The following HDAC4 variants were observed in gnomAD, a reference collection of about 807,000 sequenced individuals.
HDAC4 encodes the protein histone deacetylase A.
Under a neutral mutation model 135.1 loss-of-function variants are expected in HDAC4, and 16 were observed. The observed-to-expected ratio is 0.12, with a 90% CI of 0.08 to 0.18. The LOEUF is 0.18. Among genes scored for constraint, HDAC4 ranks in the 10% least tolerant of loss-of-function variants. HDAC4 has a pLI of 1.00. For synonymous variants in HDAC4, 685 were observed against 653.4 expected (o/e 1.05, Z -0.74); for missense variants, 1,143 against 1,511.8 (o/e 0.76, Z 4.05).
In HDAC4 at chr2:239,308,136, C is replaced by G. The variant is rs550565434; in HGVS notation, c.22+44542G>C. 6.6e-6 allele frequency among the ~76,000 whole-genome samples: 1 copy of G among 152,344 alleles called. No homozygotes were observed. The highest frequency in any genetic ancestry group is 2.1e-4 in the South Asian group (1 of 4,826). On this transcript the variant is annotated intron_variant, in intron 2 of 26. Coordinates refer to ENST00000543185, the MANE Select transcript of HDAC4 (RefSeq NM_001378414.1). The surrounding 1 kb of genome is among the most constrained non-coding windows in gnomAD (Gnocchi z 4.2). ...CCCTTCCTACACCCCATCACTCACCCTCCCTGGGCCCCAGCTTCCTCATCT... is the reference window on the plus strand; with the variant it reads ...CCCTTCCTACACCCCATCACTCACCGTCCCTGGGCCCCAGCTTCCTCATCT...
intron 2 of HDAC4, among the ~76,000 whole-genome samples, chr2:239,263,226 G>A (rs115024343): frequency 0.014 from 2,074 of 151,108 alleles, 45 homozygotes; most frequent in African/African-American, 0.048. Context: ...GGGCCACTGT[G>A]CAACTGCACA....
chr2:239,236,879 C>T (rs893393240), intron 2 of HDAC4, among the ~76,000 whole-genome samples: 1 of 152,100 alleles, frequency 6.6e-6, no homozygotes, highest in East Asian at 1.9e-4. Context: ...GGCAAACGCC[C>T]GTTTCTGGCC....
At chr2:239,077,505 C>A (rs1023706581) in intron 22 of HDAC4, among the ~76,000 whole-genome samples, 1 of 152,256 alleles carries the variant, frequency 6.6e-6, no homozygotes, top group African/African-American at 2.4e-5. Flanking sequence ...CACAGGCGAG[C>A]GAAGGCTGGC....
At chr2:239,263,825 C>T (rs1001062567) in intron 2 of HDAC4, among the ~76,000 whole-genome samples, 2 of 152,192 alleles carry the variant, frequency 1.3e-5, no homozygotes, top group African/African-American at 4.8e-5. Context: ...CTGTCCGACT[C>T]GGCTGAGCCT....
intron 2 of HDAC4, among the ~76,000 whole-genome samples, chr2:239,302,869 T>G (rs116477921): frequency 6.6e-6 from 1 of 152,136 alleles, no homozygotes; most frequent in Non-Finnish European, 1.5e-5. Flanking sequence ...CTCTCACCCA[T>G]AGGAGGGACT....
At chr2:239,196,852 G>A (rs1559212503) in intron 3 of HDAC4, among the ~76,000 whole-genome samples, 1 of 152,236 alleles carries the variant, frequency 6.6e-6, no homozygotes, top group Non-Finnish European at 1.5e-5. Flanking sequence ...GTCAACAGAG[G>A]TCAGGCACAG....
intron 1 of HDAC4, among the ~76,000 whole-genome samples, chr2:239,371,440 C>G (rs1016340198): frequency 3.3e-5 from 5 of 150,636 alleles, no homozygotes; most frequent in African/African-American, 5.0e-5. Flanking sequence ...CTCACACATT[C>G]AATCACACTT....
intron 3 of HDAC4, among the ~76,000 whole-genome samples, chr2:239,228,408 TG>T: frequency 1.0e-4 from 1 of 9,656 alleles, no homozygotes; most frequent in East Asian, 4.1e-3. Context: ...GAGCTGTCAC[TG>T]TGAGAGTTAG....
intron 24 of HDAC4, among the ~76,000 whole-genome samples, chr2:239,065,680 G>A (rs62189531): frequency 0.023 from 3,454 of 152,326 alleles, 54 homozygotes; most frequent in Non-Finnish European, 0.035. Context: ...CCCCTGGCAA[G>A]GCCTCTGCAT....
chr2:239,303,049 C>G lies in HDAC4; in HGVS notation c.22+49629G>C, dbSNP rs1407397077. Among the ~76,000 whole-genome samples the G allele has an allele frequency of 6.6e-6, 1 of 152,184 alleles. No homozygotes were observed. Among genetic ancestry groups the G allele is most frequent in the Non-Finnish European group, 1.5e-5 (1 of 68,026 alleles). On this transcript the variant is annotated intron_variant, in intron 2 of 26. Transcript: ENST00000543185. This position sits in a 1 kb window ranked among gnomAD's most constrained non-coding sequence, Gnocchi z 5.1. Reference sequence around the variant, plus strand: ...CACCTCGGGAGTCCTCAAACCCCCCCCGGGTGGGAGAGGTCATCACCTCCG... The same window carrying G: ...CACCTCGGGAGTCCTCAAACCCCCCGCGGGTGGGAGAGGTCATCACCTCCG...
At chr2:239,301,447 C>T (rs2052255877) in intron 2 of HDAC4, among the ~76,000 whole-genome samples, 1 of 151,176 alleles carries the variant, frequency 6.6e-6, no homozygotes, top group East Asian at 2.0e-4. Flanking sequence ...GCCCACATTT[C>T]TAAATTCTGC....
At chr2:239,118,532 G>A (rs10175200) in intron 12 of HDAC4, among the ~76,000 whole-genome samples, 5,329 of 152,246 alleles carry the variant, frequency 0.035, 302 homozygotes, top group African/African-American at 0.12. Context: ...ACGGGTGAGC[G>A]TGCCGTTGGG....
chr2:239,297,981 C>A (rs1327591258), intron 2 of HDAC4, among the ~76,000 whole-genome samples: 1 of 152,066 alleles, frequency 6.6e-6, no homozygotes, highest in Non-Finnish European at 1.5e-5. Flanking sequence ...TGCCTCTGTC[C>A]CTACATGGCC....
chr2:239,140,306 T>C (rs2041272182), intron 8 of HDAC4, among the ~76,000 whole-genome samples: 1 of 152,168 alleles, frequency 6.6e-6, no homozygotes, highest in East Asian at 1.9e-4. Flanking sequence ...GATCTATCCG[T>C]GCTACTGGAA....
chr2:239,170,167 CAG>C (rs1173405180), intron 5 of HDAC4, among the ~76,000 whole-genome samples: 2 of 152,172 alleles, frequency 1.3e-5, no homozygotes, highest in Non-Finnish European at 2.9e-5. Context: ...ACTAAAAACT[CAG>C]AGAGTGCATT....
rs775476353 is a variant in HDAC4, at chr2:239,146,634, CCA to C, written c.734-1922_734-1921del. On this transcript the variant is annotated intron_variant, in intron 7 of 26. Transcript: ENST00000543185. This position sits in a 1 kb window ranked among gnomAD's most constrained non-coding sequence, Gnocchi z 4.5. ...ATCCTCCACAGCCCTGCCGGGCACT[CCA>C]GACTCTTTGTGCAAGAGACTCTTGA... is the stretch of plus-strand genomic sequence containing the variant. Among the ~76,000 whole-genome samples, 5 of 152,240 alleles carry C rather than the reference CCA, an allele frequency of 3.3e-5. No homozygotes were observed. The highest frequency in any genetic ancestry group is 5.9e-5 in the Non-Finnish European group (4 of 67,994).
Position 239,241,264 on chromosome 2 carries a change from G to A in HDAC4, c.23-4600C>T, listed in dbSNP as rs186067956. On this transcript the variant is annotated intron_variant, in intron 2 of 26. Coordinates refer to ENST00000543185, the MANE Select transcript of HDAC4 (RefSeq NM_001378414.1). ...CACGCACAGGCTCCTGAACTGGGAGGGGAAGGGAGTGGGGAGAAAGTGTGG... is the reference window on the plus strand; with the variant it reads ...CACGCACAGGCTCCTGAACTGGGAGAGGAAGGGAGTGGGGAGAAAGTGTGG... Among the ~76,000 whole-genome samples, 671 of 152,320 alleles carry A rather than the reference G, an allele frequency of 4.4e-3. 6 individuals carry two copies. The highest frequency in any genetic ancestry group is 0.015 in the African/African-American group (642 of 41,568).
At chr2:239,062,365 C>T (rs2032877916) in intron 24 of HDAC4, among the ~76,000 whole-genome samples, 2 of 152,224 alleles carry the variant, frequency 1.3e-5, no homozygotes, top group African/African-American at 4.8e-5. Flanking sequence ...CTGTGTGTGC[C>T]AGATCGCCTG....
At chr2:239,354,871 C>G (rs567082964) in intron 1 of HDAC4, among the ~76,000 whole-genome samples, 26 of 152,266 alleles carry the variant, frequency 1.7e-4, no homozygotes, top group African/African-American at 6.3e-4. Flanking sequence ...TCACAAATCT[C>G]AGATGACAGT....
Sources: gnomAD v4.1 joint callset for allele counts (sites outside exome capture counted in the v4.1 genomes callset) on GRCh38, gnomAD v4.1.1 for gene constraint, Gnocchi (gnomAD v3.1) non-coding constraint, MANE v1.5 for transcripts, NCBI Gene and HGNC (gene_info 2026-07-23, HGNC 2026-07-21) for gene names.